GALK1: variants seen among roughly 807,000 people sequenced by gnomAD.
The protein encoded by GALK1 is galactokinase 1, also known as galactokinase.
GALK1 carries 30 observed loss-of-function variants against 38.6 expected under a neutral mutation model. That is an observed-to-expected ratio of 0.78 (90% CI 0.58 to 1.05). The LOEUF (loss-of-function observed/expected upper bound fraction) is 1.05. Ranked by LOEUF, GALK1 falls within the 50% of genes least tolerant of loss-of-function variation. GALK1 has a pLI of 0.00. For missense variants in GALK1, 512 were observed against 540.5 expected (o/e 0.95, Z 0.52); for synonymous variants, 240 against 233.6 (o/e 1.03, Z -0.25).
chr17:75,752,447 C>G, intron 8 of GALK1: 1 of 1,613,402 alleles, frequency 6.2e-7, no homozygotes, highest in Non-Finnish European at 8.5e-7. Flanking sequence ...GCCCTGCAGT[C>G]CCCATCATCC....
At chr17:75,753,891 C>G, downstream of GALK1, 1 of 1,311,584 alleles carries the variant, frequency 7.6e-7, no homozygotes, top group Non-Finnish European at 9.7e-7. Flanking sequence ...GACGCCGAGG[C>G]GCCCCACGGG....
At chr17:75,757,565 G>A, downstream of GALK1, 1 of 1,612,988 alleles carries the variant, frequency 6.2e-7, no homozygotes, top group Non-Finnish European at 8.5e-7. Context: ...ACCGCACCCT[G>A]CCCCACCCCC....
chr17:75,757,989 C>A lies in GALK1; in HGVS notation c.*67G>T, dbSNP rs2061559117. ...AGCACCCGGATATGGAAGATGGCAC[C>A]GGGCACAGAGCCGTGGGACTGGCCT... On this transcript the variant is annotated 3_prime_UTR_variant, in exon 8 of 8. Coordinates refer to ENST00000588479, the MANE Select transcript of GALK1 (RefSeq NM_000154.2). 1.3e-6 allele frequency: 2 copies of A among 1,555,322 alleles called. No homozygotes were observed. The highest frequency in any genetic ancestry group is 1.8e-6 in the Non-Finnish European group (2 of 1,133,700).
At chr17:75,756,359 G>A, downstream of GALK1, 1 of 1,564,420 alleles carries the variant, frequency 6.4e-7, no homozygotes, top group Non-Finnish European at 8.8e-7. Flanking sequence ...GGCAGCTTAG[G>A]GACGAGGAGG....
intron 8 of GALK1, chr17:75,752,600 C>T: frequency 6.2e-7 from 1 of 1,613,006 alleles, no homozygotes; most frequent in South Asian, 1.1e-5. Context: ...CTGGGACCCA[C>T]AAGAGGACAG....
At chr17:75,757,630 T>C (rs2061552234), downstream of GALK1, 1 of 1,591,746 alleles carries the variant, frequency 6.3e-7, no homozygotes, top group African/African-American at 1.3e-5. Flanking sequence ...CCTCAGCTAC[T>C]CCATCCTTGC....
At chr17:75,757,172 C>G (rs372539717), downstream of GALK1, 1 of 1,612,558 alleles carries the variant, frequency 6.2e-7, no homozygotes, top group African/African-American at 1.3e-5. Context: ...TGGCACCACC[C>G]TCTGACTGGC....
chr17:75,754,961 C>CACAG, downstream of GALK1: 2 of 1,531,546 alleles, frequency 1.3e-6, no homozygotes, highest in Admixed American at 1.8e-5. Context: ...CACGTGCACA[C>CACAG]GCATGCACAC....
At chr17:75,756,670 C>T (rs2061512869), downstream of GALK1, 1 of 1,613,312 alleles carries the variant, frequency 6.2e-7, no homozygotes. Context: ...CACCACCCAC[C>T]CACAGGCTGA....
chr17:75,754,706 C>T, downstream of GALK1: 2 of 1,614,178 alleles, frequency 1.2e-6, no homozygotes, highest in Non-Finnish European at 1.7e-6. Flanking sequence ...GCGTGCTAAG[C>T]ACATCCTCCA....
chr17:75,759,471 A>G (rs2061577409), intron 5 of GALK1, among the ~76,000 whole-genome samples: 1 of 151,434 alleles, frequency 6.6e-6, no homozygotes, highest in African/African-American at 2.4e-5. Flanking sequence ...TGGAAATGAG[A>G]CAGTGGGTGG....
intron 5 of GALK1, 46 bp from the exon 6 acceptor site, chr17:75,758,645 G>A: frequency 1.3e-6 from 2 of 1,553,314 alleles, no homozygotes; most frequent in Non-Finnish European, 8.6e-7. Flanking sequence ...ACTGCCTGGG[G>A]CCCCGACGCC....
chr17:75,763,873 T>C lies in GALK1; in HGVS notation c.355+24A>G, dbSNP rs1248297004. On this transcript the variant is annotated intron_variant, in intron 2 of 7. Coordinates refer to ENST00000588479, the MANE Select transcript of GALK1 (RefSeq NM_000154.2). ...TGGCACTCCTAGTATCAGTGAGGAC[T>C]TGGCTCAGGCCTGGGCCCCATACCT... The C allele has an allele frequency of 2.5e-6, 4 of 1,610,266 alleles. No homozygotes were observed. In the Middle Eastern group the frequency reaches 5.0e-4, roughly 200 times the overall value.
At chr17:75,753,892 G>A, downstream of GALK1, 1 of 1,302,152 alleles carries the variant, frequency 7.7e-7, no homozygotes, top group Non-Finnish European at 9.7e-7. Context: ...ACGCCGAGGC[G>A]CCCCACGGGC....
At chr17:75,760,724 C>T (rs910177224) in intron 5 of GALK1, among the ~76,000 whole-genome samples, 1 of 151,844 alleles carries the variant, frequency 6.6e-6, no homozygotes, top group South Asian at 2.1e-4. Context: ...TGCAGTGAGC[C>T]GAGATCACGC....
At chr17:75,756,538 A>G (rs2061508375), downstream of GALK1, 2 of 1,613,300 alleles carry the variant, frequency 1.2e-6, no homozygotes, top group Non-Finnish European at 1.7e-6. Flanking sequence ...AGAGCCAGGA[A>G]GGCTGGGGCC....
At chr17:75,758,969 A>G (rs1480169751) in intron 5 of GALK1, among the ~76,000 whole-genome samples, 5 of 152,168 alleles carry the variant, frequency 3.3e-5, no homozygotes. Context: ...GCAGCCAGGG[A>G]CCAGCAGGCT....
At position 75,758,042 on chromosome 17, in the gene GALK1, G is replaced by T; in HGVS notation, c.*14C>A. On this transcript the variant is annotated 3_prime_UTR_variant, in exon 8 of 8. Coordinates refer to ENST00000588479, the MANE Select transcript of GALK1 (RefSeq NM_000154.2). The stretch of plus-strand genomic sequence containing the variant: ...AGGCCCCGCACCCTCACCGTGTGCT[G>T]TCCTGGGGGTGCCTCACAAGCACAG... 1 of 1,612,656 alleles carries T rather than the reference G, an allele frequency of 6.2e-7. No individual in the cohort carries two copies. Among genetic ancestry groups the T allele is most frequent in the Non-Finnish European group, 8.5e-7 (1 of 1,179,900 alleles).
At chr17:75,757,726 T>C (rs2061554670), downstream of GALK1, 4 of 872,106 alleles carry the variant, frequency 4.6e-6, no homozygotes, top group East Asian at 7.9e-5. Flanking sequence ...GTCCGTCCTC[T>C]GTGGGCCCAA....
Sources: allele counts gnomAD v4.1 joint callset (sites outside exome capture counted in the v4.1 genomes callset), GRCh38; gene constraint gnomAD v4.1.1; transcripts MANE v1.5; gene names NCBI Gene and HGNC (gene_info 2026-07-23, HGNC 2026-07-21).